SPAG16: variants seen among roughly 807,000 people sequenced by gnomAD.
SPAG16 encodes the protein sperm-associated antigen 16 protein.
Under a neutral mutation model 80.4 loss-of-function variants are expected in SPAG16, and 86 were observed. The observed-to-expected ratio is 1.07, with a 90% CI of 0.90 to 1.28. The LOEUF (loss-of-function observed/expected upper bound fraction) is 1.28, where lower values mean the gene tolerates loss of function less well. Among genes scored for constraint, SPAG16 ranks in the 50% most tolerant of loss-of-function variants. SPAG16 has a pLI of 0.00. For synonymous variants in SPAG16, 294 were observed against 265.9 expected (o/e 1.11, Z -1.03); for missense variants, 870 against 765.3 (o/e 1.14, Z -1.61).
At chr2:213,755,610 G>A (rs2068287487) in intron 10 of SPAG16, among the ~76,000 whole-genome samples, 1 of 152,136 alleles carries the variant, frequency 6.6e-6, no homozygotes. Flanking sequence ...TAGGCACAAG[G>A]AATAGAATCG....
At chr2:214,285,564 A>G (rs369976767) in intron 15 of SPAG16, among the ~76,000 whole-genome samples, 2 of 152,042 alleles carry the variant, frequency 1.3e-5, no homozygotes, top group Admixed American at 1.3e-4. Context: ...ATCCTAGCAC[A>G]TTGGGAGGCC....
At chr2:213,491,900 A>G (rs1461615896) in intron 10 of SPAG16, among the ~76,000 whole-genome samples, 1 of 152,214 alleles carries the variant, frequency 6.6e-6, no homozygotes, top group East Asian at 1.9e-4. Flanking sequence ...CTGTCACATT[A>G]TTAGTTTATT....
intron 14 of SPAG16, among the ~76,000 whole-genome samples, chr2:214,130,224 AG>A (rs2054698027): frequency 6.6e-6 from 1 of 152,178 alleles, no homozygotes; most frequent in African/African-American, 2.4e-5. Context: ...TGAGAGTTTG[AG>A]GGTCGTGGCC....
chr2:213,936,230 A>G (rs1050103806), intron 12 of SPAG16, among the ~76,000 whole-genome samples: 1 of 152,204 alleles, frequency 6.6e-6, no homozygotes, highest in African/African-American at 2.4e-5. Context: ...AGAGGCCAGC[A>G]TGACTGGAAT....
chr2:214,089,567 C>T (rs1281187463), intron 13 of SPAG16, among the ~76,000 whole-genome samples: 1 of 151,792 alleles, frequency 6.6e-6, no homozygotes. Flanking sequence ...GTTTAAATTA[C>T]CATCTCTCAC....
intron 8 of SPAG16, among the ~76,000 whole-genome samples, chr2:213,374,194 A>G (rs1319499776): frequency 1.3e-5 from 2 of 152,196 alleles, no homozygotes; most frequent in African/African-American, 4.8e-5. Flanking sequence ...AAAATAAAAT[A>G]AAATAAATGC....
intron 11 of SPAG16, among the ~76,000 whole-genome samples, chr2:213,913,600 TGTACATGTAC>T: frequency 1.3e-4 from 1 of 7,934 alleles, no homozygotes; most frequent in Admixed American, 2.5e-3. Flanking sequence ...TATATGTATA[TGTACATGTAC>T]ATATATGTAT....
chr2:213,985,136 A>G (rs7561066), intron 12 of SPAG16, among the ~76,000 whole-genome samples: 40,834 of 152,000 alleles, frequency 0.27, 6,365 homozygotes, highest in South Asian at 0.58. Flanking sequence ...AATTGAGTGT[A>G]GAAAATAGAA....
At chr2:213,437,161 A>T (rs1295627065) in intron 9 of SPAG16, among the ~76,000 whole-genome samples, 1 of 152,138 alleles carries the variant, frequency 6.6e-6, no homozygotes, top group Admixed American at 6.5e-5. Context: ...AGCCTTCCAA[A>T]GTGCTGGCAT....
intron 8 of SPAG16, among the ~76,000 whole-genome samples, chr2:213,372,798 G>A (rs1009275344): frequency 1.3e-5 from 2 of 152,052 alleles, no homozygotes; most frequent in African/African-American, 4.8e-5. Context: ...AAGGAAGTTA[G>A]GGAGTGGCAT....
chr2:213,973,365 A>G (rs531006528), intron 12 of SPAG16, among the ~76,000 whole-genome samples: 3 of 150,388 alleles, frequency 2.0e-5, no homozygotes, highest in African/African-American at 7.3e-5. Flanking sequence ...TTTGAATAGC[A>G]CCTTCTGTCT....
chr2:214,043,896 A>G (rs781422145), intron 13 of SPAG16, among the ~76,000 whole-genome samples: 5 of 152,152 alleles, frequency 3.3e-5, no homozygotes, highest in East Asian at 1.9e-4. Context: ...ACACACAAGC[A>G]TATGTATACA....
intron 15 of SPAG16, among the ~76,000 whole-genome samples, chr2:214,173,170 C>A (rs1158142342): frequency 6.6e-6 from 1 of 152,040 alleles, no homozygotes; most frequent in Non-Finnish European, 1.5e-5. Flanking sequence ...GAAGTCCTTG[C>A]CCATGCCTAT....
chr2:214,038,058 G>A lies in SPAG16; in HGVS notation c.1527+23981G>A, dbSNP rs1332864684. ...ATCTTATCCATTCACATTAATTGAC[G>A]TGCTAAATGTCTAATGTCAGCTCTG... On this transcript the variant is annotated intron_variant, in intron 13 of 15. Transcript: ENST00000331683. 5.3e-5 allele frequency among the ~76,000 whole-genome samples: 8 copies of A among 151,952 alleles called. No individual in the cohort carries two copies. The South Asian group carries it at 8.3e-4, about 16-fold the overall frequency.
intron 9 of SPAG16, among the ~76,000 whole-genome samples, chr2:213,483,297 C>G (rs567519194): frequency 5.2e-4 from 79 of 151,776 alleles, no homozygotes; most frequent in Non-Finnish European, 9.3e-4. Flanking sequence ...TGAATATTTT[C>G]TCAGAGTACG....
chr2:214,060,114 G>A (rs146542802), intron 13 of SPAG16, among the ~76,000 whole-genome samples: 1 of 152,172 alleles, frequency 6.6e-6, no homozygotes, highest in African/African-American at 2.4e-5. Flanking sequence ...CACAAAGCCA[G>A]TGTGCCCTCT....
In SPAG16 at chr2:214,356,709, A is replaced by G. The variant is rs576618564; in HGVS notation, c.1721-53431A>G. Among the ~76,000 whole-genome samples the G allele has an allele frequency of 1.8e-3, 279 of 152,092 alleles. 1 individual carries two copies. Among genetic ancestry groups the G allele is most frequent in the Non-Finnish European group, 3.2e-3 (220 of 67,922 alleles). The stretch of plus-strand genomic sequence containing the variant: ...ACTCTTCAGAACCATGCAAGAACCT[A>G]TAAGCAATTTATCTCACGCCACAGT... On this transcript the variant is annotated intron_variant, in intron 15 of 15. Transcript: ENST00000331683.
intron 10 of SPAG16, among the ~76,000 whole-genome samples, chr2:213,540,244 GTT>G (rs2076397902): frequency 6.6e-6 from 1 of 151,744 alleles, no homozygotes; most frequent in Admixed American, 6.6e-5. Context: ...TAGAGACGGG[GTT>G]TCACTGTGTT....
intron 10 of SPAG16, among the ~76,000 whole-genome samples, chr2:213,779,097 C>T (rs1484591903): frequency 3.3e-5 from 5 of 152,174 alleles, no homozygotes; most frequent in Non-Finnish European, 7.4e-5. Context: ...CCAGTTTTCC[C>T]TTTAACTTTT....
Sources: gnomAD v4.1 joint callset for allele counts (sites outside exome capture counted in the v4.1 genomes callset) on GRCh38, gnomAD v4.1.1 for gene constraint, MANE v1.5 for transcripts, NCBI Gene and HGNC (gene_info 2026-07-23, HGNC 2026-07-21) for gene names.